The following VWF variants were observed in gnomAD, a reference collection of about 807,000 sequenced individuals.
VWF encodes the protein Factor VIII related antigen.
A neutral mutation model predicts 308.6 loss-of-function variants in VWF; 176 were observed. That is an observed-to-expected ratio of 0.57 (90% CI 0.50 to 0.65). The LOEUF (loss-of-function observed/expected upper bound fraction) is 0.65, where lower values mean the gene tolerates loss of function less well. VWF is among the 30% of genes least tolerant of loss of function. The probability of loss-of-function intolerance (pLI) is 0.00; values close to 1 mark genes in which losing one functional copy is unlikely to be tolerated. For missense variants in VWF, 3,146 were observed against 3,648.2 expected (o/e 0.86, Z 3.55); for synonymous variants, 1,385 against 1,443.4 (o/e 0.96, Z 0.92).
intron 2 of VWF, among the ~76,000 whole-genome samples, chr12:6,122,118 GTTTA>G (rs539183798): frequency 1.2e-3 from 183 of 152,134 alleles, no homozygotes; most frequent in Middle Eastern, 3.4e-3. Flanking sequence ...TATAACCTCT[GTTTA>G]TTTCTCAATA....
In VWF at chr12:6,073,714, T is replaced by C. The variant is rs1944807275; in HGVS notation, c.902A>G (p.Tyr301Cys). The C allele has an allele frequency of 2.5e-6, 4 of 1,613,898 alleles. No homozygotes were observed. Among genetic ancestry groups the C allele is most frequent in the Non-Finnish European group, 2.5e-6 (3 of 1,180,000 alleles). The change falls in exon 8 of 52, where the codon TAT becomes TGT. Residue 301 changes from tyrosine to cysteine, a missense_variant. Physicochemically the swap from Tyr to Cys is radical, Grantham distance 194. Coordinates refer to ENST00000261405, the MANE Select transcript of VWF (RefSeq NM_000552.5). ...CSPVCPAGMEYRQCVSPCART... is the reference protein window; with the variant it reads ...CSPVCPAGMECRQCVSPCART... ...GGCGCAAGGGGACACACACTGCCTA[T>C]ACTCCATACCAGCAGGGCACACTGG...
intron 47 of VWF, among the ~76,000 whole-genome samples, chr12:5,954,166 T>C (rs1411911994): frequency 2.0e-5 from 3 of 152,224 alleles, no homozygotes; most frequent in Admixed American, 6.5e-5. Flanking sequence ...CTGGTAATAG[T>C]CTTATTTTGT....
intron 19 of VWF, 80 bp downstream of exon 19, chr12:6,036,308 C>G: frequency 7.7e-7 from 1 of 1,291,396 alleles, no homozygotes; most frequent in Non-Finnish European, 1.1e-6. Flanking sequence ...GAGGCAAGTG[C>G]GGAAGGTCCT....
intron 10 of VWF, among the ~76,000 whole-genome samples, chr12:6,066,787 C>T (rs1159754068): frequency 6.6e-6 from 1 of 152,264 alleles, no homozygotes; most frequent in Non-Finnish European, 1.5e-5. Context: ...TCCACAGGCC[C>T]TCACTGTCTG....
chr12:6,008,558 T>TA, intron 34 of VWF, among the ~76,000 whole-genome samples: 1 of 152,260 alleles, frequency 6.6e-6, no homozygotes, highest in East Asian at 1.9e-4. Flanking sequence ...ATACCACAGC[T>TA]AACATCACAC....
At chr12:6,039,504 T>C (rs566584939) in intron 18 of VWF, among the ~76,000 whole-genome samples, 2 of 152,322 alleles carry the variant, frequency 1.3e-5, no homozygotes, top group South Asian at 2.1e-4. Context: ...AGCCAGAAGC[T>C]TGCGAGGAGG....
Position 6,063,300 on chromosome 12 carries a change from T to TC in VWF, c.1433-247dup, listed in dbSNP as rs1391668319. Among the ~76,000 whole-genome samples, 11 of 152,086 alleles carry TC rather than the reference T, an allele frequency of 7.2e-5. 1 individual carries two copies. In the South Asian group the frequency reaches 2.3e-3, roughly 32 times the overall value. On this transcript the variant is annotated intron_variant, in intron 12 of 51. Coordinates refer to ENST00000261405, the MANE Select transcript of VWF (RefSeq NM_000552.5). This position sits in a 1 kb window ranked among gnomAD's most constrained non-coding sequence, Gnocchi z 4.9. ...TGCACCCCCCGCTATGACCTGCCAT[T>TC]CCCCCTACTGCCACAGGAGGGAGGC...
intron 47 of VWF, among the ~76,000 whole-genome samples, chr12:5,964,226 A>ACATACATACATGCATGCATGCATG (rs1943357062): frequency 1.6e-4 from 20 of 127,838 alleles, no homozygotes; most frequent in African/African-American, 6.1e-4. Context: ...AAAAATACAT[A>ACATACATACATGCATGCATGCATG]CATACATACA....
At chr12:5,966,274 A>AAC (rs1555189971) in intron 47 of VWF, among the ~76,000 whole-genome samples, 3 of 77,190 alleles carry the variant, frequency 3.9e-5, no homozygotes, top group Middle Eastern at 7.8e-3. Flanking sequence ...GTTGTTACAC[A>AAC]ATACACACAC....
chr12:5,964,274 G>GCATGCATACATGCATA (rs1591833448), intron 47 of VWF, among the ~76,000 whole-genome samples: 2 of 134,706 alleles, frequency 1.5e-5, no homozygotes, highest in African/African-American at 6.2e-5. Flanking sequence ...ATACATACAT[G>GCATGCATACATGCATA]CATACATACA....
At chr12:5,986,966 C>T (rs1418501318) in intron 38 of VWF, among the ~76,000 whole-genome samples, 1 of 152,162 alleles carries the variant, frequency 6.6e-6, no homozygotes, top group East Asian at 1.9e-4. Flanking sequence ...CGCACTCTCT[C>T]GCCTAGACTG....
intron 46 of VWF, 50 bp from the exon 47 acceptor site, chr12:5,967,652 C>A: frequency 1.3e-6 from 2 of 1,508,066 alleles, no homozygotes; most frequent in Non-Finnish European, 9.2e-7. Flanking sequence ...CCCAACCCCC[C>A]ACTCACCTCA....
In VWF at chr12:6,095,585, C is replaced by T; in HGVS notation, c.533-1G>A. ...TCATAAGGGTCCGAGGTCAAGGTCC[C>T]TGTGGAGGAAAGTTTCAGGAAAGTA... On this transcript the variant is annotated splice_acceptor_variant, in intron 5 of 51. Transcript: ENST00000261405. LOFTEE classifies it high-confidence loss of function. 1 of 1,614,138 alleles carries T rather than the reference C, an allele frequency of 6.2e-7. No homozygotes were observed. Among genetic ancestry groups the T allele is most frequent in the African/African-American group, 1.3e-5 (1 of 75,044 alleles).
intron 3 of VWF, among the ~76,000 whole-genome samples, chr12:6,116,518 G>A (rs977506084): frequency 5.3e-5 from 8 of 152,206 alleles, no homozygotes; most frequent in Non-Finnish European, 8.8e-5. Context: ...ACCATGCCAC[G>A]GAAACTAAGG....
intron 6 of VWF, among the ~76,000 whole-genome samples, chr12:6,092,616 A>AGTGAGAGAGAGAGAGAGAGT (rs796249343): frequency 1.0e-5 from 1 of 96,622 alleles, no homozygotes; most frequent in Non-Finnish European, 2.1e-5. Context: ...TGAGTGAGTG[A>AGTGAGAGAGAGAGAGAGAGT]GAGTGTGTGT....
chr12:6,109,289 A>ATAATTACATATAT (rs1398667957), intron 5 of VWF, among the ~76,000 whole-genome samples: 3 of 150,396 alleles, frequency 2.0e-5, no homozygotes, highest in East Asian at 3.9e-4. Flanking sequence ...ACACACATAT[A>ATAATTACATATAT]TAATTACATA....
intron 3 of VWF, among the ~76,000 whole-genome samples, chr12:6,117,435 T>C (rs1945380595): frequency 6.6e-6 from 1 of 152,222 alleles, no homozygotes; most frequent in Admixed American, 6.5e-5. Context: ...CAGCAGCCCC[T>C]GTCTCTGCAT....
intron 38 of VWF, among the ~76,000 whole-genome samples, chr12:5,988,662 T>A (rs216884): frequency 0.42 from 63,849 of 151,998 alleles, 13,740 homozygotes; most frequent in East Asian, 0.5. Flanking sequence ...GAATAAAAAT[T>A]AAAAATTTAA....
Position 6,034,673 on chromosome 12 carries a change from C to T in VWF, c.2685+15G>A. 1 of 1,613,928 alleles carries T rather than the reference C, an allele frequency of 6.2e-7. No homozygotes were observed. Among genetic ancestry groups the T allele is most frequent in the African/African-American group, 1.3e-5 (1 of 75,030 alleles). ...GAAAGAAACAGCACCCTCTCCCCAT[C>T]TCCCCACCTCTCACCTGCACCAGAA... On this transcript the variant is annotated intron_variant, in intron 20 of 51. Transcript: ENST00000261405.
Sources: gnomAD v4.1 joint callset for allele counts (sites outside exome capture counted in the v4.1 genomes callset) on GRCh38, gnomAD v4.1.1 for gene constraint, Gnocchi (gnomAD v3.1) non-coding constraint, MANE v1.5 for transcripts, NCBI Gene and HGNC (gene_info 2026-07-23, HGNC 2026-07-21) for gene names.